The following SERPINI2 variants were observed in gnomAD, a reference collection of about 807,000 sequenced individuals.
The protein encoded by SERPINI2 is serpin I2.
SERPINI2 carries 48 observed loss-of-function variants against 47.3 expected under a neutral mutation model. That is an observed-to-expected ratio of 1.02 (90% CI 0.81 to 1.29). The LOEUF (loss-of-function observed/expected upper bound fraction) is 1.29, where lower values mean the gene tolerates loss of function less well. Ranked by LOEUF, SERPINI2 falls within the 50% of genes most tolerant of loss-of-function variation. SERPINI2 has a pLI of 0.00. For synonymous variants in SERPINI2, 135 were observed against 149.3 expected (o/e 0.90, Z 0.70); for missense variants, 448 against 456.9 (o/e 0.98, Z 0.18).
intron 5 of SERPINI2, among the ~76,000 whole-genome samples, chr3:167,459,137 G>A (rs994223589): frequency 6.7e-6 from 1 of 150,250 alleles, no homozygotes; most frequent in African/African-American, 2.4e-5. Flanking sequence ...TGCAGTGGCG[G>A]GATCTCGGCT....
At chr3:167,450,529 G>A (rs1033933397) in intron 6 of SERPINI2, among the ~76,000 whole-genome samples, 7 of 152,030 alleles carry the variant, frequency 4.6e-5, no homozygotes, top group African/African-American at 1.2e-4. Flanking sequence ...TAATTGGCTC[G>A]CAATAAATAT....
intron 5 of SERPINI2, among the ~76,000 whole-genome samples, chr3:167,464,111 T>G (rs1750064741): frequency 6.7e-6 from 1 of 150,000 alleles, no homozygotes; most frequent in African/African-American, 2.5e-5. Flanking sequence ...CCTCCCAGGT[T>G]CAACTGATTC....
In SERPINI2 at chr3:167,459,346, C is replaced by T. The variant is rs536093166; in HGVS notation, c.866+5860G>A. ...GCCTCAGCCTCCCAAAGTGCTGGGACTACAGGCGTGAGCCACCGCGCCCGG... is the reference window on the plus strand; with the variant it reads ...GCCTCAGCCTCCCAAAGTGCTGGGATTACAGGCGTGAGCCACCGCGCCCGG... On this transcript the variant is annotated intron_variant, in intron 5 of 8. Coordinates refer to ENST00000264677, the Ensembl canonical transcript of SERPINI2. 6.6e-4 allele frequency among the ~76,000 whole-genome samples: 100 copies of T among 152,136 alleles called. 1 individual carries two copies. Among genetic ancestry groups the T allele is most frequent in the African/African-American group, 2.4e-3 (99 of 41,506 alleles).
chr3:167,472,993 G>A (rs1750380029), intron 1 of SERPINI2, among the ~76,000 whole-genome samples: 1 of 151,690 alleles, frequency 6.6e-6, no homozygotes, highest in Admixed American at 6.6e-5. Flanking sequence ...TCAGCCTTAA[G>A]TAGAGACTTA....
rs77395451 is a variant in SERPINI2, at chr3:167,450,078, C to G, written c.965-676G>C. 3.4e-4 allele frequency among the ~76,000 whole-genome samples: 52 copies of G among 152,254 alleles called. No individual in the cohort carries two copies. In the East Asian group the frequency reaches 0.01, roughly 29 times the overall value. ...CTTTCCAGATCTGAATTAATCCCAC[C>G]CTGTATATTTAACCTCAAAGCCAAA... On this transcript the variant is annotated intron_variant, in intron 6 of 8. Coordinates refer to ENST00000264677, the Ensembl canonical transcript of SERPINI2.
At chr3:167,453,430 A>G (rs919601371) in intron 5 of SERPINI2, among the ~76,000 whole-genome samples, 8 of 152,208 alleles carry the variant, frequency 5.3e-5, no homozygotes, top group Admixed American at 2.0e-4. Flanking sequence ...TGCCCATGAC[A>G]TGATGAGCAG....
intron 7 of SERPINI2, among the ~76,000 whole-genome samples, chr3:167,448,583 C>T (rs569332060): frequency 2.6e-5 from 4 of 152,068 alleles, no homozygotes; most frequent in South Asian, 2.1e-4. Context: ...AGTGCAGTTG[C>T]GCGATCTAGG....
intron 5 of SERPINI2, among the ~76,000 whole-genome samples, chr3:167,461,659 G>A (rs1427967439): frequency 6.6e-6 from 1 of 151,480 alleles, no homozygotes; most frequent in Non-Finnish European, 1.5e-5. Context: ...TGCCCAGGCT[G>A]GAGTGCAGTG....
chr3:167,458,062 T>C (rs2108161623), intron 5 of SERPINI2, among the ~76,000 whole-genome samples: 1 of 152,282 alleles, frequency 6.6e-6, no homozygotes, highest in East Asian at 1.9e-4. Context: ...CAACAATTCT[T>C]CATTGCATAT....
chr3:167,446,595 A>AC, intron 7 of SERPINI2, 114 bp from the exon 8 acceptor site: 1 of 614,264 alleles, frequency 1.6e-6, no homozygotes. Context: ...AGGAGTTAAC[A>AC]TGTGGAAAAA....
At chr3:167,468,963 A>T (rs1226405604) in intron 2 of SERPINI2, among the ~76,000 whole-genome samples, 1 of 152,206 alleles carries the variant, frequency 6.6e-6, no homozygotes, top group Non-Finnish European at 1.5e-5. Context: ...GTTCCAAATC[A>T]TTTGTCAAAG....
intron 1 of SERPINI2, 97 bp from the exon 2 acceptor site, chr3:167,471,941 A>G (rs1168856261): frequency 1.2e-6 from 1 of 836,590 alleles, no homozygotes; most frequent in Non-Finnish European, 1.9e-6. Context: ...TTTCTATCTT[A>G]ATAGAACTTA....
At chr3:167,453,362 A>T (rs1163415718) in intron 5 of SERPINI2, among the ~76,000 whole-genome samples, 2 of 152,212 alleles carry the variant, frequency 1.3e-5, no homozygotes, top group Non-Finnish European at 2.9e-5. Context: ...TAACAAGTCT[A>T]AAATTTCCCT....
At chr3:167,476,611 A>G (rs899547780), upstream of SERPINI2, among the ~76,000 whole-genome samples, 1 of 152,038 alleles carries the variant, frequency 6.6e-6, no homozygotes, top group Non-Finnish European at 1.5e-5. Context: ...GTAAACAGTA[A>G]AGTATATCTA....
At chr3:167,442,414 C>T (rs978651354) in intron 8 of SERPINI2, among the ~76,000 whole-genome samples, 4 of 151,996 alleles carry the variant, frequency 2.6e-5, no homozygotes, top group Admixed American at 6.6e-5. Context: ...TACAGCTTGT[C>T]ATGGAAAAAG....
chr3:167,473,732 C>A (rs1357484130), intron 1 of SERPINI2: 4 of 1,468,216 alleles, frequency 2.7e-6, no homozygotes, highest in Admixed American at 4.4e-5. Flanking sequence ...TAAAAACTCA[C>A]TTACCTCATC....
Position 167,465,409 on chromosome 3 carries a change from C to A in SERPINI2, c.674-11G>T. 1 of 1,601,924 alleles carries A rather than the reference C, an allele frequency of 6.2e-7. No homozygotes were observed. Among genetic ancestry groups the A allele is most frequent in the Non-Finnish European group, 8.5e-7 (1 of 1,176,990 alleles). ...ATTCAGAAAAATAACCTGGAATAGA[C>A]AAAATAAAATATCAAATATACTTGG... On this transcript the variant is annotated splice_polypyrimidine_tract_variant and intron_variant, in intron 4 of 8. Coordinates refer to ENST00000264677, the Ensembl canonical transcript of SERPINI2.
intron 6 of SERPINI2, among the ~76,000 whole-genome samples, chr3:167,451,107 T>C (rs1387653513): frequency 6.6e-6 from 1 of 152,240 alleles, no homozygotes; most frequent in Non-Finnish European, 1.5e-5. Flanking sequence ...CTTTTCCCAC[T>C]TGCTGTTTTA....
chr3:167,443,302 C>T (rs1749381709), intron 8 of SERPINI2, among the ~76,000 whole-genome samples: 1 of 151,952 alleles, frequency 6.6e-6, no homozygotes, highest in Non-Finnish European at 1.5e-5. Context: ...AGAGACAGGG[C>T]TTCACCGTAT....
Sources: allele counts gnomAD v4.1 joint callset (sites outside exome capture counted in the v4.1 genomes callset), GRCh38; gene constraint gnomAD v4.1.1; transcripts MANE v1.5; gene names NCBI Gene and HGNC (gene_info 2026-07-23, HGNC 2026-07-21).